Variants in PDE1A observed in about 807,000 individuals in gnomAD.
PDE1A encodes the protein phosphodiesterase 1A.
A neutral mutation model predicts 61.7 loss-of-function variants in PDE1A; 35 were observed. The ratio of observed to expected loss-of-function variants is 0.57; its 90% confidence interval spans 0.43 to 0.75. The LOEUF is 0.75. Among genes scored for constraint, PDE1A ranks in the 30% least tolerant of loss-of-function variants. The pLI, the probability that PDE1A is intolerant of heterozygous loss-of-function variation, is 0.00. For synonymous variants in PDE1A, 232 were observed against 213.2 expected (o/e 1.09, Z -0.77); for missense variants, 597 against 630.6 (o/e 0.95, Z 0.57).
the PDE1A span, among the ~76,000 whole-genome samples, chr2:182,573,782 T>C: frequency 3.3e-5 from 5 of 149,892 alleles, no homozygotes; most frequent in South Asian, 1.0e-3. Flanking sequence ...TATACTTTCA[T>C]ATAATATATA....
intron 1 of PDE1A, among the ~76,000 whole-genome samples, chr2:182,322,408 C>CATGATAATG (rs1696752354): frequency 6.6e-6 from 1 of 152,156 alleles, no homozygotes; most frequent in African/African-American, 2.4e-5. Context: ...GTACTCTTCT[C>CATGATAATG]ATGATAATGA....
upstream of PDE1A, among the ~76,000 whole-genome samples, chr2:182,527,321 AAAAAAAATATATATATATAT>A (rs1559543377): frequency 6.7e-5 from 3 of 45,090 alleles, no homozygotes; most frequent in East Asian, 6.3e-4. Context: ...AAAAAAAAAA[AAAAAAAATATATATATATAT>A]ATATATATAT....
intron 1 of PDE1A, among the ~76,000 whole-genome samples, chr2:182,333,516 A>C (rs1222428849): frequency 1.3e-5 from 2 of 152,136 alleles, no homozygotes; most frequent in African/African-American, 4.8e-5. Context: ...GAAATAAATA[A>C]GCTCTTTGAA....
At chr2:182,299,556 T>C (rs1442813204) in intron 1 of PDE1A, among the ~76,000 whole-genome samples, 1 of 150,256 alleles carries the variant, frequency 6.7e-6, no homozygotes, top group Non-Finnish European at 1.5e-5. Flanking sequence ...AACTCACCAT[T>C]CTGGACCTGC....
chr2:182,212,677 T>A (rs1687739924), intron 7 of PDE1A, among the ~76,000 whole-genome samples: 1 of 152,260 alleles, frequency 6.6e-6, no homozygotes, highest in East Asian at 1.9e-4. Flanking sequence ...GAAAATTGGG[T>A]CACTCCCACC....
chr2:182,240,474 A>G (rs759986820), intron 2 of PDE1A, among the ~76,000 whole-genome samples, 182 bp from the exon 3 acceptor site: 4 of 152,208 alleles, frequency 2.6e-5, no homozygotes, highest in African/African-American at 2.4e-5. Flanking sequence ...TAATTTCTCA[A>G]ATTGATCATA....
the PDE1A span, among the ~76,000 whole-genome samples, chr2:182,679,191 A>ATTTTTTT: frequency 7.2e-6 from 1 of 138,230 alleles, no homozygotes; most frequent in African/African-American, 2.8e-5. Context: ...TATTATTATT[A>ATTTTTTT]TTTTTTTTTT....
chr2:182,573,810 A>G, the PDE1A span, among the ~76,000 whole-genome samples: 1 of 147,488 alleles, frequency 6.8e-6, no homozygotes, highest in Non-Finnish European at 1.5e-5. Context: ...AGTAATATCA[A>G]TCGGGGTTCT....
chr2:182,691,938 G>A, the PDE1A span, among the ~76,000 whole-genome samples: 1 of 152,104 alleles, frequency 6.6e-6, no homozygotes, highest in African/African-American at 2.4e-5. Context: ...CATCATCACT[G>A]GCAATCAGAT....
intron 1 of PDE1A, among the ~76,000 whole-genome samples, chr2:182,373,801 T>C (rs1700247158): frequency 6.6e-6 from 1 of 152,062 alleles, no homozygotes; most frequent in African/African-American, 2.4e-5. Context: ...AAAATACATG[T>C]AACAAGAAAT....
At chr2:182,197,788 C>T (rs1407497776) in intron 10 of PDE1A, among the ~76,000 whole-genome samples, 1 of 151,836 alleles carries the variant, frequency 6.6e-6, no homozygotes, top group Non-Finnish European at 1.5e-5. Context: ...GCCAATAACA[C>T]AGTGCCTTGA....
chr2:182,590,744 T>C, the PDE1A span, among the ~76,000 whole-genome samples: 1 of 152,210 alleles, frequency 6.6e-6, no homozygotes, highest in African/African-American at 2.4e-5. Context: ...CCATTAAATA[T>C]AGGGAAAACC....
chr2:182,244,559 T>C (rs1369211489), intron 2 of PDE1A, among the ~76,000 whole-genome samples: 2 of 113,592 alleles, frequency 1.8e-5, no homozygotes, highest in East Asian at 5.3e-4. Flanking sequence ...TCTTGAAACC[T>C]TTTTCTTTGT....
intron 7 of PDE1A, among the ~76,000 whole-genome samples, chr2:182,223,541 A>T (rs1340989057): frequency 1.3e-5 from 2 of 152,024 alleles, no homozygotes; most frequent in African/African-American, 2.4e-5. Context: ...TACCTTAAGC[A>T]TTATGTTGCA....
intron 1 of PDE1A, among the ~76,000 whole-genome samples, chr2:182,322,485 G>A (rs977045869): frequency 4.6e-5 from 7 of 152,158 alleles, no homozygotes; most frequent in East Asian, 3.8e-4. Context: ...CTTGCCTGCC[G>A]CCATGTAAGA....
chr2:182,281,539 C>T (rs991212364), intron 1 of PDE1A, among the ~76,000 whole-genome samples: 3 of 151,718 alleles, frequency 2.0e-5, no homozygotes, highest in African/African-American at 7.3e-5. Flanking sequence ...CGTGAAAGAG[C>T]CAGCTGCTGA....
intron 1 of PDE1A, among the ~76,000 whole-genome samples, chr2:182,340,137 A>G (rs188673312): frequency 6.6e-6 from 1 of 152,198 alleles, no homozygotes; most frequent in Non-Finnish European, 1.5e-5. Context: ...CAGTTTGTAG[A>G]TTTATAAAAT....
At chr2:182,142,663 A>G (rs928552580), downstream of PDE1A, 2 of 152,144 alleles carry the variant, frequency 1.3e-5, no homozygotes, top group Non-Finnish European at 2.9e-5. Context: ...TAGTTATAGC[A>G]CTCTGTGTAA....
Position 182,240,293 on chromosome 2 carries a change from C to G in PDE1A, c.168-1G>C. The G allele has an allele frequency of 1.3e-6, 2 of 1,528,294 alleles. No individual in the cohort carries two copies. The highest frequency in any genetic ancestry group is 1.8e-6 in the Non-Finnish European group (2 of 1,140,252). 94.7% of individuals were successfully genotyped at this position (1,528,294 alleles called of 1,614,324 possible). ...CTCATCTTCAGTATCCAGAAGTCTT[C>G]TACAAAAATTTATACAGATTAAACT... On this transcript the variant is annotated splice_acceptor_variant, in intron 2 of 13. Transcript: ENST00000351439. LOFTEE classifies it high-confidence loss of function.
Sources: allele counts gnomAD v4.1 joint callset (sites outside exome capture counted in the v4.1 genomes callset), GRCh38; gene constraint gnomAD v4.1.1; transcripts MANE v1.5; gene names NCBI Gene and HGNC (gene_info 2026-07-23, HGNC 2026-07-21).